The following ZBTB43 variants were observed in gnomAD, a reference collection of about 807,000 sequenced individuals.
ZBTB43 encodes the protein zinc finger and BTB domain-containing protein 43.
A neutral mutation model predicts 31.1 loss-of-function variants in ZBTB43; 6 were observed. That is an observed-to-expected ratio of 0.19 (90% CI 0.11 to 0.38). The LOEUF is 0.38. Ranked by LOEUF, ZBTB43 falls within the 10% of genes least tolerant of loss-of-function variation. The probability of loss-of-function intolerance (pLI) is 1.00; values close to 1 mark genes in which losing one functional copy is unlikely to be tolerated. For synonymous variants in ZBTB43, 212 were observed against 221.7 expected, an observed-to-expected ratio of 0.96 and a Z score of 0.39; for missense variants, 379 against 602.1, an observed-to-expected ratio of 0.63 and a Z score of 3.88.
At position 126,833,137 on chromosome 9, in the gene ZBTB43, A is replaced by C. The variant is rs566607178; in HGVS notation, c.628A>C (p.Met210Leu). ...STEHDRLSTE[M>L]ASQDGEEGAS... Reference sequence around the variant, plus strand: ...AGAGCATGACCGCCTGAGCACGGAAATGGCAAGCCAGGATGGGGAGGAGGG... The same window carrying C: ...AGAGCATGACCGCCTGAGCACGGAACTGGCAAGCCAGGATGGGGAGGAGGG... The change falls in exon 3 of 3, where the codon ATG (methionine) becomes CTG (leucine). Residue 210 changes from methionine to leucine, a missense_variant. Physicochemically the swap from Met to Leu is conservative, Grantham distance 15. Around this residue, in one of 5 missense-constraint regions of ZBTB43, gnomAD observed 253 missense variants for 322.3 expected, o/e 0.79. Coordinates refer to ENST00000373464, the MANE Select transcript of ZBTB43 (RefSeq NM_014007.4). The surrounding 1 kb of genome is among the most constrained non-coding windows in gnomAD (Gnocchi z 7.9). 1 of 1,614,038 alleles carries C rather than the reference A, an allele frequency of 6.2e-7. No individual in the cohort carries two copies. The highest frequency in any genetic ancestry group is 8.5e-7 in the Non-Finnish European group (1 of 1,180,036).
chr9:126,814,167 C>T (rs1451629592), intron 2 of ZBTB43, among the ~76,000 whole-genome samples: 2 of 138,306 alleles, frequency 1.4e-5, no homozygotes, highest in Non-Finnish European at 3.2e-5. Flanking sequence ...GTTACTGTTG[C>T]CTTATTTTCT....
At chr9:126,804,554 G>A (rs1167739374), upstream of ZBTB43, among the ~76,000 whole-genome samples, 2 of 152,130 alleles carry the variant, frequency 1.3e-5, no homozygotes, top group African/African-American at 2.4e-5. Context: ...GCGTGATCTC[G>A]GCTCACTGCA....
At chr9:126,809,992 AC>A (rs1209473962) in intron 2 of ZBTB43, among the ~76,000 whole-genome samples, 1 of 151,272 alleles carries the variant, frequency 6.6e-6, no homozygotes, top group African/African-American at 2.4e-5. Flanking sequence ...CGGCCACCAC[AC>A]CCGGCTAATT....
chr9:126,811,916 A>ACCCGG (rs1454441732), intron 2 of ZBTB43, among the ~76,000 whole-genome samples: 1 of 151,890 alleles, frequency 6.6e-6, no homozygotes, highest in Non-Finnish European at 1.5e-5. Flanking sequence ...GAGCCACCGC[A>ACCCGG]CCCGGCCACA....
intron 2 of ZBTB43, among the ~76,000 whole-genome samples, chr9:126,829,510 GAT>G (rs1699601686): frequency 6.6e-6 from 1 of 152,160 alleles, no homozygotes; most frequent in African/African-American, 2.4e-5. Flanking sequence ...AGATCTCCAA[GAT>G]ATATTAAGTG....
At chr9:126,814,420 CTT>C (rs1243399285) in intron 2 of ZBTB43, among the ~76,000 whole-genome samples, 2 of 147,652 alleles carry the variant, frequency 1.4e-5, no homozygotes, top group Admixed American at 6.7e-5. Context: ...TGTTGCTTGA[CTT>C]TTGTTTTCAT....
rs1357731816 is a variant in ZBTB43, at chr9:126,833,086, G to A, written c.577G>A (p.Glu193Lys). 1 of 1,613,936 alleles carries A rather than the reference G, an allele frequency of 6.2e-7. No homozygotes were observed. The highest frequency in any genetic ancestry group is 1.3e-5 in the African/African-American group (1 of 74,908). The change falls in exon 3 of 3, where the codon GAA (glutamate) becomes AAA (lysine). Residue 193 changes from glutamate (E) to lysine (K), a missense_variant. Glu to Lys is a moderately conservative substitution (Grantham distance 56). Transcript: ENST00000373464. The surrounding 1 kb of genome is among the most constrained non-coding windows in gnomAD (Gnocchi z 7.9). ...GCTGTCATCCCAGCTCACCGAGCAC[G>A]AATACCTGCCCAGCAACTCGTCCAC... ...DELSSQLTEH[E>K]YLPSNSSTEH...
At chr9:126,811,750 C>A (rs2032254262) in intron 2 of ZBTB43, among the ~76,000 whole-genome samples, 1 of 152,114 alleles carries the variant, frequency 6.6e-6, no homozygotes, top group Non-Finnish European at 1.5e-5. Context: ...CTCAGCCTCC[C>A]GAGTAGCTGG....
In ZBTB43 at chr9:126,825,037, T is replaced by G. The variant is rs150525360; in HGVS notation, c.-23-7450T>G. The stretch of plus-strand genomic sequence containing the variant: ...ATGGCTCACTGCAGCCTCAACCTCC[T>G]GTACTCAAGTGATCCTCCCACCTCA... On this transcript the variant is annotated intron_variant, in intron 2 of 2. Transcript: ENST00000373464. 3.1e-3 allele frequency among the ~76,000 whole-genome samples: 475 copies of G among 152,240 alleles called. 2 individuals are homozygous for G. The highest frequency in any genetic ancestry group is 5.1e-3 in the Non-Finnish European group (347 of 68,018).
intron 2 of ZBTB43, among the ~76,000 whole-genome samples, chr9:126,813,758 G>GGTTTTTTTTGTT (rs1229396221): frequency 6.6e-6 from 1 of 151,998 alleles, no homozygotes; most frequent in African/African-American, 2.4e-5. Context: ...TGGCTTGTAG[G>GGTTTTTTTTGTT]GTTTTTTTTG....
At chr9:126,830,505 T>A (rs1484865915) in intron 2 of ZBTB43, among the ~76,000 whole-genome samples, 1 of 152,076 alleles carries the variant, frequency 6.6e-6, no homozygotes. Flanking sequence ...ATTAGCCGGA[T>A]GTGGTAGTAG....
chr9:126,817,029 G>A (rs1299619706), intron 2 of ZBTB43, among the ~76,000 whole-genome samples: 1 of 147,120 alleles, frequency 6.8e-6, no homozygotes, highest in African/African-American at 2.5e-5. Context: ...GATCCCGTCA[G>A]AATTGCCTGG....
intron 2 of ZBTB43, among the ~76,000 whole-genome samples, chr9:126,824,631 A>C (rs987412532): frequency 2.0e-5 from 3 of 152,082 alleles, no homozygotes; most frequent in Non-Finnish European, 4.4e-5. Flanking sequence ...ATGGTTTCTG[A>C]TGAAAAATTA....
At chr9:126,817,530 C>A (rs1467489030) in intron 2 of ZBTB43, among the ~76,000 whole-genome samples, 1 of 150,644 alleles carries the variant, frequency 6.6e-6, no homozygotes, top group Non-Finnish European at 1.5e-5. Flanking sequence ...GGCTGGAGTG[C>A]AGTGGCGTGA....
chr9:126,826,116 C>G lies in ZBTB43; in HGVS notation c.-23-6371C>G, dbSNP rs533239922. Among the ~76,000 whole-genome samples, 144 of 150,902 alleles carry G rather than the reference C, an allele frequency of 9.5e-4. 1 individual carries two copies. The highest frequency in any genetic ancestry group is 3.4e-3 in the African/African-American group (141 of 41,108). On this transcript the variant is annotated intron_variant, in intron 2 of 2. Coordinates refer to ENST00000373464, the MANE Select transcript of ZBTB43 (RefSeq NM_014007.4). ...GCAACCTCCACCTCCCGGGTTCAAG[C>G]AATTCTCTTGCCTCAGCCTCCCGAG...
At position 126,833,044 on chromosome 9, in the gene ZBTB43, G is replaced by A. The variant is rs916668341; in HGVS notation, c.535G>A (p.Glu179Lys). The change falls in exon 3 of 3, where the codon GAG (glutamate) becomes AAG (lysine). Residue 179 changes from glutamate (E) to lysine (K), a missense_variant. Glu to Lys is a moderately conservative substitution (Grantham distance 56, BLOSUM62 1). Coordinates refer to ENST00000373464, the MANE Select transcript of ZBTB43 (RefSeq NM_014007.4). This position sits in a 1 kb window ranked among gnomAD's most constrained non-coding sequence, Gnocchi z 7.9. ...QELRDGENEE[E>K]STKDELSSQL... ...ACTGAGAGATGGTGAAAATGAAGAG[G>A]AGAGCACCAAAGACGAGCTGTCATC... 1.2e-6 allele frequency: 2 copies of A among 1,614,010 alleles called. No individual in the cohort carries two copies. The highest frequency in any genetic ancestry group is 3.3e-5 in the Admixed American group (2 of 60,018).
chr9:126,811,926 A>G (rs543957672), intron 2 of ZBTB43, among the ~76,000 whole-genome samples: 10 of 152,194 alleles, frequency 6.6e-5, no homozygotes, highest in South Asian at 2.1e-4. Context: ...ACCCGGCCAC[A>G]TTACTCTTTT....
intron 2 of ZBTB43, among the ~76,000 whole-genome samples, chr9:126,821,001 GGCTATA>G (rs1181492296): frequency 6.8e-6 from 1 of 147,694 alleles, no homozygotes; most frequent in African/African-American, 2.5e-5. Context: ...TATTTTGTAA[GGCTATA>G]GCTACTGTAG....
intron 2 of ZBTB43, chr9:126,832,130 T>TA (rs895326569): frequency 1.1e-4 from 20 of 186,206 alleles, no homozygotes; most frequent in African/African-American, 1.7e-4. Context: ...CCATCTCGTT[T>TA]AAAAAAAAAT....
Sources: gnomAD v4.1 joint callset for allele counts (sites outside exome capture counted in the v4.1 genomes callset) on GRCh38, gnomAD v4.1.1 for gene constraint, gnomAD v4.1.1 regional missense constraint, Gnocchi (gnomAD v3.1) non-coding constraint, MANE v1.5 for transcripts, NCBI Gene and HGNC (gene_info 2026-07-23, HGNC 2026-07-21) for gene names.